The following PCSK2 variants were observed in gnomAD, a reference collection of about 807,000 sequenced individuals.
PCSK2 encodes neuroendocrine convertase 2.
Under a neutral mutation model 69.7 loss-of-function variants are expected in PCSK2, and 14 were observed. That is an observed-to-expected ratio of 0.20 (90% CI 0.13 to 0.31). The LOEUF is 0.31. PCSK2 is among the 10% of genes least tolerant of loss of function. The pLI is 1.00. For missense variants in PCSK2, 544 were observed against 842.5 expected (o/e 0.65, Z 4.39); for synonymous variants, 307 against 320.7 (o/e 0.96, Z 0.46).
intron 2 of PCSK2, among the ~76,000 whole-genome samples, chr20:17,327,247 T>A (rs1990085345): frequency 3.3e-5 from 5 of 152,188 alleles, no homozygotes. Flanking sequence ...GACAAATGCA[T>A]GCACAACAGC....
chr20:17,471,230 G>C (rs945371459), intron 11 of PCSK2, among the ~76,000 whole-genome samples: 51 of 152,282 alleles, frequency 3.3e-4, no homozygotes, highest in African/African-American at 1.2e-3. Flanking sequence ...CATACATGTG[G>C]AATTTAAGGC....
chr20:17,391,781 G>A (rs2031379481), intron 5 of PCSK2, among the ~76,000 whole-genome samples: 1 of 152,072 alleles, frequency 6.6e-6, no homozygotes, highest in African/African-American at 2.4e-5. Flanking sequence ...TGAGGTAAGA[G>A]GATTAGTTGA....
chr20:17,230,140 A>G (rs1986093659), intron 1 of PCSK2, among the ~76,000 whole-genome samples: 1 of 152,122 alleles, frequency 6.6e-6, no homozygotes, highest in Non-Finnish European at 1.5e-5. Flanking sequence ...ACTTTTGCCA[A>G]CATTTGTTAT....
chr20:17,470,990 T>C (rs1467241967), intron 11 of PCSK2, among the ~76,000 whole-genome samples: 1 of 152,220 alleles, frequency 6.6e-6, no homozygotes, highest in Non-Finnish European at 1.5e-5. Flanking sequence ...TGGAATGTAC[T>C]GCGGCCCTCT....
intron 5 of PCSK2, among the ~76,000 whole-genome samples, chr20:17,387,533 C>A (rs893150064): frequency 7.2e-5 from 11 of 152,180 alleles, no homozygotes; most frequent in Admixed American, 2.6e-4. Context: ...GCACGTAGCT[C>A]TCCACAAACT....
intron 11 of PCSK2, chr20:17,479,371 T>C: frequency 1.4e-6 from 1 of 694,308 alleles, no homozygotes; most frequent in Non-Finnish European, 2.7e-6. Context: ...TCTTTGACAA[T>C]ATTGTGGGCT....
At chr20:17,323,359 G>A (rs1335153464) in intron 2 of PCSK2, among the ~76,000 whole-genome samples, 1 of 152,178 alleles carries the variant, frequency 6.6e-6, no homozygotes, top group Non-Finnish European at 1.5e-5. Flanking sequence ...GTGCCTCAGA[G>A]GAAACAAAAC....
At chr20:17,323,253 C>A (rs890439808) in intron 2 of PCSK2, among the ~76,000 whole-genome samples, 1 of 152,098 alleles carries the variant, frequency 6.6e-6, no homozygotes, top group African/African-American at 2.4e-5. Flanking sequence ...AAATAGTGTC[C>A]TTATAAGAAG....
intron 2 of PCSK2, among the ~76,000 whole-genome samples, chr20:17,284,622 G>T (rs1276264888): frequency 6.6e-6 from 1 of 152,152 alleles, no homozygotes; most frequent in African/African-American, 2.4e-5. Context: ...GAAGAGGTTG[G>T]CTTTCTAGAC....
chr20:17,426,095 T>C (rs983428521), intron 6 of PCSK2, among the ~76,000 whole-genome samples: 1 of 152,198 alleles, frequency 6.6e-6, no homozygotes, highest in African/African-American at 2.4e-5. Context: ...GTGTCTCCAC[T>C]GAAATCTCAT....
intron 2 of PCSK2, among the ~76,000 whole-genome samples, chr20:17,317,094 C>T (rs1298928747): frequency 6.6e-6 from 1 of 152,154 alleles, no homozygotes; most frequent in Non-Finnish European, 1.5e-5. Context: ...CATTCTGACT[C>T]AGTCTTTTCT....
chr20:17,274,615 A>G (rs1987988986), intron 2 of PCSK2, among the ~76,000 whole-genome samples: 1 of 152,150 alleles, frequency 6.6e-6, no homozygotes. Context: ...AGGAGCACCA[A>G]GATACCAGAA....
chr20:17,372,416 T>C (rs1013395999), intron 5 of PCSK2, among the ~76,000 whole-genome samples: 3 of 145,412 alleles, frequency 2.1e-5, no homozygotes, highest in Non-Finnish European at 4.5e-5. Flanking sequence ...AATAAATAAA[T>C]AAATAAATAA....
chr20:17,328,478 TTA>T (rs1232525126), intron 2 of PCSK2, among the ~76,000 whole-genome samples: 2 of 150,320 alleles, frequency 1.3e-5, no homozygotes, highest in Non-Finnish European at 3.0e-5. Flanking sequence ...ATATGCAATT[TTA>T]TATATATTAA....
intron 2 of PCSK2, among the ~76,000 whole-genome samples, chr20:17,337,983 C>T (rs1441695132): frequency 1.3e-5 from 2 of 150,478 alleles, no homozygotes; most frequent in Non-Finnish European, 3.0e-5. Flanking sequence ...GTCTAAATGT[C>T]CCCTTTCTGC....
chr20:17,229,315 T>C (rs1986056989), intron 1 of PCSK2, among the ~76,000 whole-genome samples: 1 of 151,552 alleles, frequency 6.6e-6, no homozygotes, highest in Non-Finnish European at 1.5e-5. Context: ...CCAAGCAAGC[T>C]AGGTGCTTTC....
Position 17,442,533 on chromosome 20 carries a change from T to C in PCSK2, c.885+5650T>C, listed in dbSNP as rs111700959. Among the ~76,000 whole-genome samples, 1,334 of 152,298 alleles carry C rather than the reference T, an allele frequency of 8.8e-3. 19 individuals carry two copies. The highest frequency in any genetic ancestry group is 0.041 in the South Asian group (197 of 4,824). On this transcript the variant is annotated intron_variant, in intron 8 of 11. Transcript: ENST00000262545. ...CTGGCCCTCTGCTTTACAGCCAAGATGGTCAATAGTTGATCCAATTACGAC... is the reference window on the plus strand; with the variant it reads ...CTGGCCCTCTGCTTTACAGCCAAGACGGTCAATAGTTGATCCAATTACGAC...
chr20:17,348,320 A>G (rs188940270), intron 2 of PCSK2, among the ~76,000 whole-genome samples: 21 of 152,344 alleles, frequency 1.4e-4, no homozygotes, highest in Non-Finnish European at 2.6e-4. Context: ...TTGGAGTGAG[A>G]TGAGCCTAGC....
At chr20:17,297,249 C>T (rs1007712340) in intron 2 of PCSK2, among the ~76,000 whole-genome samples, 1 of 152,154 alleles carries the variant, frequency 6.6e-6, no homozygotes, top group Non-Finnish European at 1.5e-5. Flanking sequence ...CAGACAGAGA[C>T]GTGGAGTCCA....
Sources: allele counts gnomAD v4.1 joint callset (sites outside exome capture counted in the v4.1 genomes callset), GRCh38; gene constraint gnomAD v4.1.1; transcripts MANE v1.5; gene names NCBI Gene and HGNC (gene_info 2026-07-23, HGNC 2026-07-21).